MCCC2: variants seen among roughly 807,000 people sequenced by gnomAD.
MCCC2 encodes methylcrotonyl-CoA carboxylase subunit 2.
Under a neutral mutation model 77.2 loss-of-function variants are expected in MCCC2, and 52 were observed. The ratio of observed to expected loss-of-function variants is 0.67; its 90% CI spans 0.54 to 0.85. The LOEUF (loss-of-function observed/expected upper bound fraction) is 0.85. Ranked by LOEUF, MCCC2 falls within the 40% of genes least tolerant of loss-of-function variation. The probability of loss-of-function intolerance (pLI) is 0.00; values close to 1 mark genes in which losing one functional copy is unlikely to be tolerated. For synonymous variants in MCCC2, 253 were observed against 248.4 expected (o/e 1.02, Z -0.18); for missense variants, 682 against 703.2 (o/e 0.97, Z 0.34).
At chr5:71,622,440 G>T (rs542897558) in intron 6 of MCCC2, among the ~76,000 whole-genome samples, 3 of 151,900 alleles carry the variant, frequency 2.0e-5, no homozygotes, top group South Asian at 2.1e-4. Flanking sequence ...TTACAGCTTC[G>T]TTGAGATATA....
intron 1 of MCCC2, among the ~76,000 whole-genome samples, chr5:71,592,279 G>A (rs1004177167): frequency 1.3e-5 from 2 of 152,158 alleles, no homozygotes; most frequent in African/African-American, 4.8e-5. Context: ...TACTTAGGAG[G>A]CTGAGGCAGG....
chr5:71,657,067 G>A lies in MCCC2; in HGVS notation c.*207G>A. 2.0e-6 allele frequency: 1 copy of A among 510,402 alleles called. No homozygotes were observed. Among genetic ancestry groups the A allele is most frequent in the Admixed American group, 3.2e-5 (1 of 31,246 alleles). 31.6% of individuals were successfully genotyped at this position (510,402 alleles called of 1,614,324 possible). A position where few individuals can be genotyped will look rare whatever the true frequency, so the allele number is the denominator to read the frequency against. On this transcript the variant is annotated 3_prime_UTR_variant, in exon 17 of 17. Transcript: ENST00000340941. ...AATTTTCTTAGAGAAATTTCTCTGTGGCTCAGTTTTACCACCCATAAAGCG... is the reference window on the plus strand; with the variant it reads ...AATTTTCTTAGAGAAATTTCTCTGTAGCTCAGTTTTACCACCCATAAAGCG...
chr5:71,641,129 G>C, intron 11 of MCCC2, 54 bp downstream of exon 11: 1 of 1,504,830 alleles, frequency 6.6e-7, no homozygotes, highest in Non-Finnish European at 9.2e-7. Context: ...TTGAAAATCA[G>C]GAATCTCTTG....
intron 11 of MCCC2, among the ~76,000 whole-genome samples, chr5:71,641,972 A>G (rs530603650): frequency 8.3e-4 from 126 of 152,190 alleles, no homozygotes; most frequent in Non-Finnish European, 1.6e-3. Flanking sequence ...TATAGACAGG[A>G]TTTGTCACCA....
chr5:71,652,758 G>A lies in MCCC2; in HGVS notation c.1574+4G>A, dbSNP rs2112472919. 4.3e-6 allele frequency: 7 copies of A among 1,613,726 alleles called. No homozygotes were observed. Among genetic ancestry groups the A allele is most frequent in the Non-Finnish European group, 5.1e-6 (6 of 1,179,656 alleles). Reference sequence around the variant, plus strand: ...ACCCTTACTATTCCAGCGCAAGGTGGGGGCCAGAACATCACTAACTCTCTG... The same window carrying A: ...ACCCTTACTATTCCAGCGCAAGGTGAGGGCCAGAACATCACTAACTCTCTG... On this transcript the variant is annotated splice_donor_region_variant and intron_variant, in intron 16 of 16. Transcript: ENST00000340941.
chr5:71,640,382 ATTTT>A (rs60843078), intron 10 of MCCC2, among the ~76,000 whole-genome samples: 42 of 109,130 alleles, frequency 3.8e-4, no homozygotes, highest in African/African-American at 1.2e-3. Flanking sequence ...CACTTTTTAC[ATTTT>A]TTTTTTTTTT....
intron 3 of MCCC2, among the ~76,000 whole-genome samples, chr5:71,599,249 A>G (rs1398435523): frequency 3.3e-5 from 5 of 152,200 alleles, no homozygotes; most frequent in African/African-American, 1.2e-4. Context: ...GCATGCCTGT[A>G]ATCCCAGTTA....
intron 6 of MCCC2, among the ~76,000 whole-genome samples, chr5:71,612,811 G>A (rs140928699): frequency 7.2e-5 from 11 of 152,316 alleles, no homozygotes; most frequent in Admixed American, 5.2e-4. Context: ...TGAACTCCTG[G>A]CCTCAGATCA....
intron 6 of MCCC2, among the ~76,000 whole-genome samples, chr5:71,612,707 G>T (rs1394546363): frequency 2.0e-5 from 3 of 152,174 alleles, no homozygotes; most frequent in Non-Finnish European, 4.4e-5. Context: ...TAGGGCTGTT[G>T]TAACAAATTA....
At chr5:71,602,379 T>C in intron 4 of MCCC2, 127 bp from the exon 5 acceptor site, 1 of 1,150,214 alleles carries the variant, frequency 8.7e-7, no homozygotes, top group South Asian at 1.3e-5. Context: ...GACTGCTGTC[T>C]GCTAATGGAT....
At chr5:71,643,658 C>A in intron 11 of MCCC2, 161 bp from the exon 12 acceptor site, 1 of 1,406,696 alleles carries the variant, frequency 7.1e-7, no homozygotes. Flanking sequence ...ACCTTAGGAA[C>A]AAGAAGATTG....
intron 12 of MCCC2, among the ~76,000 whole-genome samples, chr5:71,645,478 A>G (rs1747250312): frequency 6.6e-6 from 1 of 152,234 alleles, no homozygotes; most frequent in African/African-American, 2.4e-5. Flanking sequence ...TCTATCACTC[A>G]TCTAATCTAA....
At position 71,657,298 on chromosome 5, in the gene MCCC2, C is replaced by T; in HGVS notation, c.*438C>T. 1 of 219,932 alleles carries T rather than the reference C, an allele frequency of 4.5e-6. No homozygotes were observed. Among genetic ancestry groups the T allele is most frequent in the Non-Finnish European group, 9.2e-6 (1 of 109,208 alleles). The allele number at this position is 219,932 out of a possible 1,614,324, so 13.6% of individuals were successfully genotyped here. A position where few individuals can be genotyped will look rare whatever the true frequency, so the allele number is the denominator to read the frequency against. The stretch of plus-strand genomic sequence containing the variant: ...TCTGTTACTTCAGTGGCATAAAGTG[C>T]CCTCACACTGCTGTGCAGCCATCAC... On this transcript the variant is annotated 3_prime_UTR_variant, in exon 17 of 17. Coordinates refer to ENST00000340941, the MANE Select transcript of MCCC2 (RefSeq NM_022132.5).
chr5:71,599,783 A>G (rs370629352), intron 4 of MCCC2, 23 bp downstream of exon 4: 1 of 1,588,614 alleles, frequency 6.3e-7, no homozygotes, highest in Non-Finnish European at 8.6e-7. Context: ...CTTGTGCTTC[A>G]TAATGTGGGT....
intron 3 of MCCC2, among the ~76,000 whole-genome samples, chr5:71,597,928 C>T (rs1029503260): frequency 5.9e-5 from 9 of 152,184 alleles, no homozygotes; most frequent in African/African-American, 2.2e-4. Flanking sequence ...GCTTATGAAG[C>T]TCCCGGCTCT....
At chr5:71,622,742 C>CA (rs1484185444) in intron 6 of MCCC2, among the ~76,000 whole-genome samples, 1 of 152,224 alleles carries the variant, frequency 6.6e-6, no homozygotes, top group Non-Finnish European at 1.5e-5. Context: ...TGGCTTCAAG[C>CA]AGTCTTCCTG....
intron 2 of MCCC2, among the ~76,000 whole-genome samples, chr5:71,595,428 C>CAAAAA (rs56048450): frequency 5.2e-5 from 6 of 115,184 alleles, no homozygotes; most frequent in Middle Eastern, 4.4e-3. Flanking sequence ...GATCTTGTCT[C>CAAAAA]AAAAAAAAAA....
chr5:71,590,619 C>T (rs1279817550), intron 1 of MCCC2, among the ~76,000 whole-genome samples: 2 of 151,878 alleles, frequency 1.3e-5, no homozygotes, highest in Non-Finnish European at 2.9e-5. Flanking sequence ...GAGTTCTAGA[C>T]CAGCCTGGCC....
chr5:71,587,885 A>G (rs1343539190), intron 1 of MCCC2, among the ~76,000 whole-genome samples: 1 of 152,144 alleles, frequency 6.6e-6, no homozygotes, highest in Non-Finnish European at 1.5e-5. Context: ...TAGTGAACTC[A>G]TTAGGGGACT....
Sources: allele counts gnomAD v4.1 joint callset (sites outside exome capture counted in the v4.1 genomes callset), GRCh38; gene constraint gnomAD v4.1.1; transcripts MANE v1.5; gene names NCBI Gene and HGNC (gene_info 2026-07-23, HGNC 2026-07-21).